The following OR10K1 variants were observed in gnomAD, a reference collection of about 807,000 sequenced individuals.
OR10K1 encodes olfactory receptor 10K1.
For missense variants in OR10K1, 404 were observed against 373.3 expected (o/e 1.08, Z -0.68); for synonymous variants, 186 against 152.5 (o/e 1.22, Z -1.62).
chr1:158,463,968 A>C (rs1655982362), intron 1 of OR10K1, among the ~76,000 whole-genome samples: 2 of 152,334 alleles, frequency 1.3e-5, no homozygotes, highest in African/African-American at 4.8e-5. Context: ...GTAAGTAAGA[A>C]AGAAAAAAAA....
At chr1:158,463,179 A>G (rs780264486) in intron 1 of OR10K1, among the ~76,000 whole-genome samples, 117 of 152,224 alleles carry the variant, frequency 7.7e-4, no homozygotes, top group Admixed American at 2.6e-3. Flanking sequence ...ACAGAAGACT[A>G]GACCTGAAAC....
chr1:158,465,284 G>A (rs1328895942), intron 1 of OR10K1, 122 bp from the exon 2 acceptor site: 2 of 475,360 alleles, frequency 4.2e-6, no homozygotes, highest in African/African-American at 3.9e-5. Flanking sequence ...ACATAAGAAG[G>A]AAAACTATTA....
At chr1:158,462,244 C>A (rs551600991) in intron 1 of OR10K1, among the ~76,000 whole-genome samples, 2 of 150,642 alleles carry the variant, frequency 1.3e-5, no homozygotes, top group Middle Eastern at 3.4e-3. Flanking sequence ...CGTGCCATTG[C>A]ATTCCAGCCT....
At position 158,466,396 on chromosome 1, in the gene OR10K1, A is replaced by C. The variant is rs779678346; in HGVS notation, c.835A>C (p.Thr279Pro). The change falls in exon 2 of 2, where the codon ACC becomes CCC. Residue 279 changes from threonine to proline, a missense_variant. Transcript: ENST00000641535. ...AGACACCCTAATATCTGTGTCATAC[A>C]CCATCCTTACCCCATTGTTCAATCC... The part of the protein sequence containing the change: ...SQDTLISVSY[T>P]ILTPLFNPMI... 20 of 1,613,642 alleles carry C rather than the reference A, an allele frequency of 1.2e-5. No individual in the cohort carries two copies. The highest frequency in any genetic ancestry group is 3.3e-5 in the South Asian group (3 of 91,062).
rs1557872628 is a variant in OR10K1, at chr1:158,465,848, G to A, written c.287G>A (p.Gly96Asp). The A allele has an allele frequency of 6.2e-7, 1 of 1,614,178 alleles. No homozygotes were observed. The highest frequency in any genetic ancestry group is 1.3e-5 in the African/African-American group (1 of 75,042). Reference sequence around the variant, plus strand: ...CAGAAGAAGACCATTTCTTTCCTGGGCTGTGCCATCCAAATGTTTTCCTTC... The same window carrying A: ...CAGAAGAAGACCATTTCTTTCCTGGACTGTGCCATCCAAATGTTTTCCTTC... The part of the protein sequence containing the change: ...LSQKKTISFL[G>D]CAIQMFSFLF... Residue 96 changes from glycine to aspartate, a missense_variant, in exon 2 of 2, where the codon GGC becomes GAC. Transcript: ENST00000641535.
chr1:158,463,355 C>A (rs1019584766), intron 1 of OR10K1, among the ~76,000 whole-genome samples: 3 of 152,144 alleles, frequency 2.0e-5, no homozygotes, highest in Non-Finnish European at 4.4e-5. Flanking sequence ...ATGGGGGCTG[C>A]CTTCTCAGAT....
chr1:158,463,994 A>G (rs1332678443), intron 1 of OR10K1, among the ~76,000 whole-genome samples: 1 of 152,180 alleles, frequency 6.6e-6, no homozygotes, highest in Non-Finnish European at 1.5e-5. Flanking sequence ...TCCAAATTCT[A>G]TGAATAGATA....
intron 1 of OR10K1, among the ~76,000 whole-genome samples, chr1:158,464,638 T>TTTTTA (rs1315924354): frequency 3.3e-5 from 5 of 152,050 alleles, no homozygotes; most frequent in Non-Finnish European, 5.9e-5. Context: ...ATGTTATTTA[T>TTTTTA]TTTTATTTTA....
At chr1:158,464,519 A>C (rs1466628632) in intron 1 of OR10K1, among the ~76,000 whole-genome samples, 1 of 152,216 alleles carries the variant, frequency 6.6e-6, no homozygotes, top group Non-Finnish European at 1.5e-5. Context: ...CTCAGCATGG[A>C]AAAGTGAAGT....
Position 158,466,442 on chromosome 1 carries a change from A to T in OR10K1, c.881A>T (p.Asn294Ile), listed in dbSNP as rs1656044302. ...AATCCAATGATTTATAGTCTGAGAA[A>T]TAAGGAATTCAAATCAGCCCTACGA... is the stretch of plus-strand genomic sequence containing the variant. ...LFNPMIYSLR[N>I]KEFKSALRRT... is the part of the protein sequence containing the mutation. Residue 294 changes from asparagine (N) to isoleucine (I), a missense_variant, in exon 2 of 2, where the codon AAT becomes ATT. Physicochemically the swap from Asn to Ile is moderately radical, Grantham distance 149. Coordinates refer to ENST00000641535, the MANE Select transcript of OR10K1 (RefSeq NM_001004473.2). 1 of 1,613,982 alleles carries T rather than the reference A, an allele frequency of 6.2e-7. No homozygotes were observed. The highest frequency in any genetic ancestry group is 1.7e-5 in the Admixed American group (1 of 59,984).
At position 158,465,598 on chromosome 1, in the gene OR10K1, G is replaced by T. The variant is rs148047665; in HGVS notation, c.37G>T (p.Val13Phe). Residue 13 changes from valine (V) to phenylalanine (F), a missense_variant, in exon 2 of 2, where the codon GTC becomes TTC. Coordinates refer to ENST00000641535, the MANE Select transcript of OR10K1 (RefSeq NM_001004473.2). The part of the protein sequence containing the change: ...QVNKTVVREF[V>F]VLGFSSLARL... ...CAATAAGACTGTGGTGAGAGAGTTC[G>T]TCGTCCTCGGCTTCTCATCCCTGGC... The T allele has an allele frequency of 6.2e-7, 1 of 1,614,026 alleles. No individual in the cohort carries two copies. The highest frequency in any genetic ancestry group is 1.7e-5 in the Admixed American group (1 of 59,998).
In OR10K1 at chr1:158,466,121, T is replaced by G; in HGVS notation, c.560T>G (p.Leu187Arg). 1 of 1,613,964 alleles carries G rather than the reference T, an allele frequency of 6.2e-7. No individual in the cohort carries two copies. The highest frequency in any genetic ancestry group is 8.5e-7 in the Non-Finnish European group (1 of 1,179,916). The change falls in exon 2 of 2, where the codon CTG becomes CGG. Residue 187 changes from leucine to arginine, a missense_variant. Physicochemically the swap from Leu to Arg is moderately radical, Grantham distance 102 (BLOSUM62 -2). Coordinates refer to ENST00000641535, the MANE Select transcript of OR10K1 (RefSeq NM_001004473.2). The part of the protein sequence containing the change: ...FFCDISPVLK[L>R]ASQHSGFSQL... Reference sequence around the variant, plus strand: ...TGTGACATCTCCCCTGTCCTTAAACTGGCATCTCAGCACTCCGGCTTCAGT... The same window carrying G: ...TGTGACATCTCCCCTGTCCTTAAACGGGCATCTCAGCACTCCGGCTTCAGT...
In OR10K1 at chr1:158,463,410, C is replaced by T. The variant is rs79625166; in HGVS notation, c.-157+1506C>T. ...ATAGATCATAAAAAGGCAATTATAT[C>T]GATCACATGATTCATTTAGGCTATG... On this transcript the variant is annotated intron_variant, in intron 1 of 1. Coordinates refer to ENST00000641535, the MANE Select transcript of OR10K1 (RefSeq NM_001004473.2). 6.7e-3 allele frequency among the ~76,000 whole-genome samples: 1,018 copies of T among 152,244 alleles called. 14 individuals carry two copies. Among genetic ancestry groups the T allele is most frequent in the African/African-American group, 0.023 (962 of 41,546 alleles).
intron 1 of OR10K1, among the ~76,000 whole-genome samples, chr1:158,462,997 G>C (rs567399467): frequency 1.3e-5 from 2 of 152,246 alleles, no homozygotes; most frequent in South Asian, 4.1e-4. Flanking sequence ...AAGGCTCCTA[G>C]GGGTCATAGT....
chr1:158,463,710 T>C (rs1040548662), intron 1 of OR10K1, among the ~76,000 whole-genome samples: 3 of 152,222 alleles, frequency 2.0e-5, no homozygotes, highest in Non-Finnish European at 4.4e-5. Context: ...ACCATAAGTT[T>C]AGATTTCCTC....
chr1:158,462,608 G>A (rs1655949117), intron 1 of OR10K1, among the ~76,000 whole-genome samples: 1 of 152,140 alleles, frequency 6.6e-6, no homozygotes, highest in Non-Finnish European at 1.5e-5. Flanking sequence ...GCAATCTGGA[G>A]AAATTAAAGA....
At chr1:158,463,976 A>G (rs1655982535) in intron 1 of OR10K1, among the ~76,000 whole-genome samples, 1 of 152,214 alleles carries the variant, frequency 6.6e-6, no homozygotes, top group African/African-American at 2.4e-5. Flanking sequence ...GAAAGAAAAA[A>G]AATCATCTCC....
At chr1:158,464,454 AG>A (rs2101665671) in intron 1 of OR10K1, among the ~76,000 whole-genome samples, 1 of 152,260 alleles carries the variant, frequency 6.6e-6, no homozygotes, top group South Asian at 2.1e-4. Context: ...CACACTCTGT[AG>A]CAAGCTCTGT....
In OR10K1 at chr1:158,466,175, T is replaced by TTA; in HGVS notation, c.615_616insAT (p.Ala206MetfsTer11). ...CTGGTCATATTCATGCTTGGTGTAT[T>TTA]TGCCTTGGTCATTCCTCTGCTACTT... is the stretch of plus-strand genomic sequence containing the variant. On this transcript the variant is annotated frameshift_variant, in exon 2 of 2. Transcript: ENST00000641535. LOFTEE classifies it low-confidence loss of function (END_TRUNC). 1 of 1,614,166 alleles carries TTA rather than the reference T, an allele frequency of 6.2e-7. No individual in the cohort carries two copies. Among genetic ancestry groups the TTA allele is most frequent in the Non-Finnish European group, 8.5e-7 (1 of 1,180,028 alleles).
Sources: allele counts gnomAD v4.1 joint callset (sites outside exome capture counted in the v4.1 genomes callset), GRCh38; gene constraint gnomAD v4.1.1; transcripts MANE v1.5; gene names NCBI Gene and HGNC (gene_info 2026-07-23, HGNC 2026-07-21).